Variants in COG5 observed in about 807,000 individuals in gnomAD.
The protein encoded by COG5 is component of oligomeric golgi complex 5.
In COG5, 86 loss-of-function variants were observed where a neutral mutation model predicts 110.4. The ratio of observed to expected loss-of-function variants is 0.78; its 90% CI spans 0.65 to 0.93. COG5 has a LOEUF of 0.93. COG5 is among the 40% of genes least tolerant of loss of function. The pLI, the probability that COG5 is intolerant of heterozygous loss-of-function variation, is 0.00. For synonymous variants in COG5, 360 were observed against 334.6 expected (o/e 1.08, Z -0.83); for missense variants, 1,077 against 987.0 (o/e 1.09, Z -1.22).
intron 6 of COG5, among the ~76,000 whole-genome samples, chr7:107,509,052 A>G (rs1024304156): frequency 1.3e-5 from 2 of 152,232 alleles, no homozygotes; most frequent in Non-Finnish European, 2.9e-5. Context: ...AAGGAGAATG[A>G]CTTTGACGTG....
At chr7:107,257,975 T>C (rs1405029688) in intron 15 of COG5, among the ~76,000 whole-genome samples, 1 of 152,154 alleles carries the variant, frequency 6.6e-6, no homozygotes, top group Non-Finnish European at 1.5e-5. Context: ...AAATTACATG[T>C]TTCAATAAGT....
intron 5 of COG5, among the ~76,000 whole-genome samples, chr7:107,530,798 C>T (rs1029542994): frequency 2.6e-5 from 4 of 151,878 alleles, no homozygotes; most frequent in Non-Finnish European, 2.9e-5. Context: ...AATATAGCTG[C>T]CTCCCCTCCA....
chr7:107,478,655 AC>A (rs967259978), intron 6 of COG5, among the ~76,000 whole-genome samples: 1 of 152,038 alleles, frequency 6.6e-6, no homozygotes, highest in Non-Finnish European at 1.5e-5. Context: ...TAGGAAAAAA[AC>A]ATAGTACATG....
At chr7:107,520,896 A>T (rs1021519412) in intron 6 of COG5, among the ~76,000 whole-genome samples, 4 of 152,216 alleles carry the variant, frequency 2.6e-5, no homozygotes, top group African/African-American at 9.6e-5. Context: ...TTCAAACTAT[A>T]CTACAAGGCT....
chr7:107,321,282 A>G (rs2117051093), intron 11 of COG5, among the ~76,000 whole-genome samples: 1 of 152,332 alleles, frequency 6.6e-6, no homozygotes, highest in Middle Eastern at 3.4e-3. Context: ...TGCATGCTAA[A>G]AACTATAAAG....
Position 107,362,503 on chromosome 7 carries a change from C to T in COG5, c.836-83G>A, listed in dbSNP as rs147657410. ...TATATATGTTATTATAAAAACCATA[C>T]GCAAGCTAAAAAATGAGAAGTTCCT... On this transcript the variant is annotated intron_variant, in intron 8 of 21. Transcript: ENST00000297135. 1.6e-4 allele frequency: 132 copies of T among 838,972 alleles called. 1 individual carries two copies. In the South Asian group the frequency reaches 1.7e-3, roughly 11 times the overall value. 52.0% of individuals were successfully genotyped at this position (838,972 alleles called of 1,614,324 possible). A position where few individuals can be genotyped will look rare whatever the true frequency, so the allele number is the denominator to read the frequency against.
At chr7:107,259,607 A>C (rs1562937899) in intron 14 of COG5, among the ~76,000 whole-genome samples, 1 of 152,130 alleles carries the variant, frequency 6.6e-6, no homozygotes, top group Admixed American at 6.5e-5. Context: ...GTCAAATGCT[A>C]AACATACATC....
chr7:107,472,638 T>A (rs1796707288), intron 6 of COG5: 1 of 151,944 alleles, frequency 6.6e-6, no homozygotes, highest in South Asian at 2.1e-4. Context: ...AGACCTTAAC[T>A]TACTCGAATA....
In COG5 at chr7:107,483,685, C is replaced by T. The variant is rs1797481270; in HGVS notation, c.538+43552G>A. 2.1e-5 allele frequency among the ~76,000 whole-genome samples: 3 copies of T among 146,170 alleles called. No individual in the cohort carries two copies. In the Admixed American group the frequency reaches 2.1e-4, roughly 10 times the overall value. On this transcript the variant is annotated intron_variant, in intron 6 of 21. Transcript: ENST00000297135. ...CACCATTGCACTCCAGCCTGGGAGG[C>T]AACAAGAGCAAAACTGCATCTAAAA...
Position 107,535,366 on chromosome 7 carries a change from A to G in COG5, c.418-8009T>C, listed in dbSNP as rs566720219. Reference sequence around the variant, plus strand: ...ATGAAAAACCCTTCAAAAAAAATCAATGAATCCAGGAGCTAGTTTTTTGAA... The same window carrying G: ...ATGAAAAACCCTTCAAAAAAAATCAGTGAATCCAGGAGCTAGTTTTTTGAA... On this transcript the variant is annotated intron_variant, in intron 5 of 21. Coordinates refer to ENST00000297135, the MANE Select transcript of COG5 (RefSeq NM_006348.5). Among the ~76,000 whole-genome samples the G allele has an allele frequency of 7.9e-5, 12 of 151,768 alleles. No individual in the cohort carries two copies. In the East Asian group the frequency reaches 1.9e-3, roughly 24 times the overall value.
chr7:107,372,505 T>C (rs928192123), intron 8 of COG5, 90 bp downstream of exon 8: 23 of 1,243,350 alleles, frequency 1.8e-5, no homozygotes, highest in South Asian at 3.8e-5. Flanking sequence ...AGTCATTAGA[T>C]TGCTTTGAAA....
At chr7:107,278,997 G>A (rs537053719) in intron 14 of COG5, among the ~76,000 whole-genome samples, 64 of 152,136 alleles carry the variant, frequency 4.2e-4, no homozygotes, top group Non-Finnish European at 8.1e-4. Context: ...GGAGTGCACA[G>A]GCAACCTACA....
intron 19 of COG5, among the ~76,000 whole-genome samples, chr7:107,228,813 C>T (rs936395917): frequency 1.3e-5 from 2 of 150,748 alleles, no homozygotes; most frequent in Non-Finnish European, 2.9e-5. Context: ...TACAAACAGG[C>T]GAGGTAAAAT....
rs570212150 is a variant in COG5 at position 107,500,431 on chromosome 7, A to C, written c.538+26806T>G. On this transcript the variant is annotated intron_variant, in intron 6 of 21. Transcript: ENST00000297135. Reference sequence around the variant, plus strand: ...GAAACAACTTCATAAATCTCTGTGTACTACCTCATTCTGAGGATCATGCCT... The same window carrying C: ...GAAACAACTTCATAAATCTCTGTGTCCTACCTCATTCTGAGGATCATGCCT... Among the ~76,000 whole-genome samples, 6 of 152,290 alleles carry C rather than the reference A, an allele frequency of 3.9e-5. No homozygotes were observed. In the East Asian group the frequency reaches 7.7e-4, roughly 20 times the overall value.
At chr7:107,293,864 G>A (rs1465579491) in intron 12 of COG5, among the ~76,000 whole-genome samples, 1 of 152,104 alleles carries the variant, frequency 6.6e-6, no homozygotes, top group Non-Finnish European at 1.5e-5. Flanking sequence ...CTGAGGTCAG[G>A]AGTTCGAGAC....
intron 1 of COG5, among the ~76,000 whole-genome samples, chr7:107,560,929 A>G (rs1208500503): frequency 6.6e-6 from 1 of 152,218 alleles, no homozygotes; most frequent in Non-Finnish European, 1.5e-5. Flanking sequence ...TTTAGGAAAA[A>G]AAAGTTTTAG....
chr7:107,258,174 A>T (rs1054714968), intron 15 of COG5, 99 bp downstream of exon 15: 10 of 726,190 alleles, frequency 1.4e-5, no homozygotes, highest in Non-Finnish European at 2.4e-5. Context: ...TTTTCATTGT[A>T]TTCTTTTCCA....
At chr7:107,250,566 A>C (rs1802427452) in intron 16 of COG5, among the ~76,000 whole-genome samples, 1 of 152,192 alleles carries the variant, frequency 6.6e-6, no homozygotes, top group Non-Finnish European at 1.5e-5. Flanking sequence ...AAAGACAATC[A>C]AGAGATGCTT....
intron 14 of COG5, among the ~76,000 whole-genome samples, chr7:107,261,356 T>A (rs1803333541): frequency 6.6e-6 from 1 of 152,142 alleles, no homozygotes. Context: ...GGAACGTGCA[T>A]AATTTGTTTT....
Sources: gnomAD v4.1 joint callset for allele counts (sites outside exome capture counted in the v4.1 genomes callset) on GRCh38, gnomAD v4.1.1 for gene constraint, MANE v1.5 for transcripts, NCBI Gene and HGNC (gene_info 2026-07-23, HGNC 2026-07-21) for gene names.